CCDC7: variants seen among roughly 807,000 people sequenced by gnomAD.
CCDC7 encodes coiled-coil domain containing 7.
Under a neutral mutation model 196.9 loss-of-function variants are expected in CCDC7, and 183 were observed. That is an observed-to-expected ratio of 0.93 (90% CI 0.82 to 1.05). CCDC7 has a LOEUF of 1.05. Among genes scored for constraint, CCDC7 ranks in the 50% least tolerant of loss-of-function variants. The pLI, the probability that CCDC7 is intolerant of heterozygous loss-of-function variation, is 0.00. For synonymous variants in CCDC7, 525 were observed against 484.6 expected (o/e 1.08, Z -1.10); for missense variants, 1,540 against 1,482.2 (o/e 1.04, Z -0.64).
chr10:32,828,723 G>A (rs1293711297), intron 32 of CCDC7, among the ~76,000 whole-genome samples: 1 of 152,022 alleles, frequency 6.6e-6, no homozygotes, highest in Non-Finnish European at 1.5e-5. Flanking sequence ...TCTCCAGAAG[G>A]CCATGTATTC....
chr10:32,703,355 C>T (rs952618396), intron 24 of CCDC7, among the ~76,000 whole-genome samples: 20 of 151,984 alleles, frequency 1.3e-4, no homozygotes, highest in Admixed American at 4.6e-4. Context: ...CACTCTCTTC[C>T]GGCTTGTAGA....
intron 8 of CCDC7, among the ~76,000 whole-genome samples, chr10:32,490,472 C>G (rs188219223): frequency 1.3e-5 from 2 of 152,268 alleles, no homozygotes; most frequent in East Asian, 3.9e-4. Context: ...AAAATCGTCT[C>G]ATATGCTATG....
In CCDC7 at chr10:32,858,982, A is replaced by G. The variant is rs150721234; in HGVS notation, c.4111+4493A>G. 7.9e-3 allele frequency among the ~76,000 whole-genome samples: 1,201 copies of G among 152,122 alleles called. 7 individuals carry two copies. Among genetic ancestry groups the G allele is most frequent in the Middle Eastern group, 0.02 (6 of 294 alleles). On this transcript the variant is annotated intron_variant, in intron 41 of 41. Transcript: ENST00000639629. Reference sequence around the variant, plus strand: ...ACAATAATAGTGGGAGACTTTAACAACCCCGTGTCAATATTAGACAGATCA... The same window carrying G: ...ACAATAATAGTGGGAGACTTTAACAGCCCCGTGTCAATATTAGACAGATCA...
chr10:32,511,716 C>A, intron 9 of CCDC7: 2 of 1,578,444 alleles, frequency 1.3e-6, no homozygotes, highest in Non-Finnish European at 1.7e-6. Flanking sequence ...ACTGGATAGT[C>A]TTCATTAATT....
chr10:32,752,245 T>C (rs1228920522), intron 28 of CCDC7, among the ~76,000 whole-genome samples: 1 of 152,124 alleles, frequency 6.6e-6, no homozygotes, highest in Admixed American at 6.6e-5. Flanking sequence ...AGCCCTCTAA[T>C]TGAGAGCTAA....
rs550467251 is a variant in CCDC7, at chr10:32,662,693, A to G, written c.2015-1361A>G. ...TTTACATCACTCTGACTGCTAATGA[A>G]ATACTGGTGTCTTGGCAGTAGGTTC... On this transcript the variant is annotated intron_variant, in intron 20 of 41. Transcript: ENST00000639629. 6.8e-4 allele frequency among the ~76,000 whole-genome samples: 104 copies of G among 152,310 alleles called. 2 individuals carry two copies. The Middle Eastern group carries it at 0.014, about 20-fold the overall frequency.
chr10:32,645,660 G>T (rs190728974), intron 20 of CCDC7, among the ~76,000 whole-genome samples: 1 of 151,870 alleles, frequency 6.6e-6, no homozygotes, highest in Admixed American at 6.6e-5. Context: ...AACCCATCAA[G>T]GTTCCTGGGC....
chr10:32,530,611 C>G (rs2049489310), intron 11 of CCDC7, among the ~76,000 whole-genome samples: 1 of 151,454 alleles, frequency 6.6e-6, no homozygotes. Flanking sequence ...GATTTTGTAT[C>G]CTGCAACTTT....
intron 32 of CCDC7, among the ~76,000 whole-genome samples, chr10:32,831,885 T>G (rs2092220909): frequency 6.6e-6 from 1 of 152,170 alleles, no homozygotes; most frequent in Non-Finnish European, 1.5e-5. Flanking sequence ...GTATAGCAAA[T>G]ATATAAAACA....
chr10:32,566,630 G>T (rs893308666), intron 14 of CCDC7, among the ~76,000 whole-genome samples: 1 of 151,894 alleles, frequency 6.6e-6, no homozygotes, highest in Non-Finnish European at 1.5e-5. Flanking sequence ...AAAAAATTTG[G>T]CTGGGCATCA....
chr10:32,526,163 G>T (rs1226517035), intron 11 of CCDC7, among the ~76,000 whole-genome samples: 2 of 152,184 alleles, frequency 1.3e-5, no homozygotes, highest in Non-Finnish European at 2.9e-5. Context: ...CCTTGCATAG[G>T]CAGAGAAGCC....
intron 38 of CCDC7, among the ~76,000 whole-genome samples, 198 bp downstream of exon 39, chr10:32,848,114 T>C (rs192612489): frequency 9.3e-4 from 142 of 152,306 alleles, no homozygotes; most frequent in African/African-American, 3.2e-3. Flanking sequence ...TAGACAATGA[T>C]TTTAAAAAAT....
intron 7 of CCDC7, among the ~76,000 whole-genome samples, chr10:32,473,472 T>C (rs1487878026): frequency 2.0e-5 from 3 of 152,170 alleles, no homozygotes; most frequent in Non-Finnish European, 4.4e-5. Flanking sequence ...AAAATAATAA[T>C]CATTGAAGAT....
At chr10:32,657,798 T>A (rs1315226041) in intron 20 of CCDC7, among the ~76,000 whole-genome samples, 1 of 152,216 alleles carries the variant, frequency 6.6e-6, no homozygotes, top group Non-Finnish European at 1.5e-5. Flanking sequence ...TTTTCTTTTG[T>A]ATTGCATCAT....
chr10:32,828,559 A>AAGAAGAAGAAGAAAG (rs1565636072), intron 32 of CCDC7, among the ~76,000 whole-genome samples: 3 of 133,030 alleles, frequency 2.3e-5, no homozygotes, highest in Non-Finnish European at 3.3e-5. Flanking sequence ...GAAGAAGAAG[A>AAGAAGAAGAAGAAAG]AAGAAGAAGA....
intron 18 of CCDC7, among the ~76,000 whole-genome samples, chr10:32,599,509 C>G (rs898992550): frequency 1.3e-5 from 2 of 152,114 alleles, no homozygotes; most frequent in African/African-American, 4.8e-5. Context: ...CCTCCTTTAG[C>G]ATCTTCATTG....
exon 40 of CCDC7, chr10:32,851,817 T>C: frequency 1.2e-6 from 2 of 1,609,702 alleles, no homozygotes; most frequent in Non-Finnish European, 8.5e-7. Flanking sequence ...AGGAAACTTA[T>C]GAGTACTCTT....
chr10:32,588,354 C>G (rs2059484080), intron 18 of CCDC7, among the ~76,000 whole-genome samples: 1 of 147,338 alleles, frequency 6.8e-6, no homozygotes, highest in South Asian at 2.2e-4. Context: ...GAGTGTTTTT[C>G]AAACCATGAA....
chr10:32,592,012 G>T (rs1284502136), intron 18 of CCDC7, among the ~76,000 whole-genome samples: 1 of 152,160 alleles, frequency 6.6e-6, no homozygotes, highest in African/African-American at 2.4e-5. Flanking sequence ...AGGACTATTT[G>T]TGGAAGCTTC....
Sources: allele counts gnomAD v4.1 joint callset (sites outside exome capture counted in the v4.1 genomes callset), GRCh38; gene constraint gnomAD v4.1.1; transcripts MANE v1.5; gene names NCBI Gene and HGNC (gene_info 2026-07-23, HGNC 2026-07-21).